LMTK2: variants seen among roughly 807,000 people sequenced by gnomAD.
LMTK2 encodes the protein lemur tail kinase 2.
A neutral mutation model predicts 127.5 loss-of-function variants in LMTK2; 37 were observed. That is an observed-to-expected ratio of 0.29 (90% CI 0.22 to 0.38). The LOEUF (loss-of-function observed/expected upper bound fraction) is 0.38, where lower values mean the gene tolerates loss of function less well. LMTK2 is among the 10% of genes least tolerant of loss of function. The pLI is 1.00. For synonymous variants in LMTK2, 819 were observed against 810.1 expected, an observed-to-expected ratio of 1.01 and a Z score of -0.19; for missense variants, 1,694 against 1,920.3, an observed-to-expected ratio of 0.88 and a Z score of 2.20.
chr7:98,182,951 C>G (rs189043736), intron 7 of LMTK2, among the ~76,000 whole-genome samples: 15 of 152,328 alleles, frequency 9.8e-5, no homozygotes, highest in African/African-American at 2.6e-4. Flanking sequence ...CCCCATTATA[C>G]TCTCCCTTTG....
intron 1 of LMTK2, among the ~76,000 whole-genome samples, chr7:98,125,770 A>G (rs1796434560): frequency 6.6e-6 from 1 of 152,242 alleles, no homozygotes; most frequent in Admixed American, 6.5e-5. Flanking sequence ...AACCTTGTCA[A>G]GGTCACTGTT....
intron 9 of LMTK2, among the ~76,000 whole-genome samples, chr7:98,190,187 T>C (rs1423264340): frequency 6.6e-6 from 1 of 152,256 alleles, no homozygotes; most frequent in African/African-American, 2.4e-5. Context: ...CCAAAACTTC[T>C]AGGGTGGTAT....
chr7:98,108,926 G>A (rs901985002), intron 1 of LMTK2, among the ~76,000 whole-genome samples: 5 of 144,230 alleles, frequency 3.5e-5, no homozygotes, highest in Non-Finnish European at 7.5e-5. Context: ...TCATCGGTGC[G>A]ATATCAGCTG....
intron 1 of LMTK2, among the ~76,000 whole-genome samples, chr7:98,128,368 C>T (rs1451945839): frequency 6.6e-6 from 1 of 152,058 alleles, no homozygotes; most frequent in African/African-American, 2.4e-5. Flanking sequence ...CAGGGATGCA[C>T]ACGGAAGAAA....
At chr7:98,187,777 G>A (rs1416844488) in intron 9 of LMTK2, among the ~76,000 whole-genome samples, 3 of 151,836 alleles carry the variant, frequency 2.0e-5, no homozygotes, top group Admixed American at 1.3e-4. Context: ...CACCATTTTT[G>A]TACTTTTAGT....
chr7:98,180,583 T>G (rs920828494), intron 7 of LMTK2, among the ~76,000 whole-genome samples: 1 of 152,230 alleles, frequency 6.6e-6, no homozygotes, highest in African/African-American at 2.4e-5. Flanking sequence ...GTTCTGTGTC[T>G]TGAAATATGC....
At chr7:98,141,564 C>T (rs1796700392) in intron 3 of LMTK2, 23 bp downstream of exon 3, 2 of 1,604,732 alleles carry the variant, frequency 1.2e-6, no homozygotes, top group Admixed American at 3.4e-5. Flanking sequence ...AGCCTAATGC[C>T]ACGTTTTCAT....
Position 98,171,623 on chromosome 7 carries a change from G to A in LMTK2, c.740G>A (p.Cys247Tyr). Residue 247 changes from cysteine (C) to tyrosine (Y), a missense_variant, in exon 7 of 14, where the codon TGC becomes TAC. Physicochemically the swap from Cys to Tyr is radical, Grantham distance 194. Transcript: ENST00000297293. This position sits in a 1 kb window ranked among gnomAD's most constrained non-coding sequence, Gnocchi z 5.1. ...SQTMLLQRMACEVAAGLAAMH... is the reference protein window; with the variant it reads ...SQTMLLQRMAYEVAAGLAAMH... ...ACCATGCTGCTGCAGAGGATGGCGT[G>A]CGAGGTCGCCGCGGGGCTGGCCGCC... The A allele has an allele frequency of 6.2e-7, 1 of 1,610,770 alleles. No homozygotes were observed. The highest frequency in any genetic ancestry group is 8.5e-7 in the Non-Finnish European group (1 of 1,178,902).
At position 98,137,115 on chromosome 7, in the gene LMTK2, G is replaced by A. The variant is rs538230938; in HGVS notation, c.104-200G>A. 3.9e-5 allele frequency among the ~76,000 whole-genome samples: 6 copies of A among 152,300 alleles called. No individual in the cohort carries two copies. The South Asian group carries it at 1.2e-3, about 32-fold the overall frequency. On this transcript the variant is annotated intron_variant, in intron 1 of 13. Coordinates refer to ENST00000297293, the MANE Select transcript of LMTK2 (RefSeq NM_014916.4). ...AGGCTGTATATGAACTCTCTGTATTGTCTCTGTAACTCCTCTGTAAATCTA... is the reference window on the plus strand; with the variant it reads ...AGGCTGTATATGAACTCTCTGTATTATCTCTGTAACTCCTCTGTAAATCTA...
chr7:98,205,975 A>T lies in LMTK2; in HGVS notation c.*483A>T, dbSNP rs1462739303. 6.3e-6 allele frequency: 1 copy of T among 158,786 alleles called. No homozygotes were observed. Among genetic ancestry groups the T allele is most frequent in the Non-Finnish European group, 1.4e-5 (1 of 71,794 alleles). 9.8% of individuals were successfully genotyped at this position (158,786 alleles called of 1,614,324 possible). A position where few individuals can be genotyped will look rare whatever the true frequency, so the allele number is the denominator to read the frequency against. Reference sequence around the variant, plus strand: ...ATCACGAACTGCTTTCTGTAATTGCACTGTGGATAAATGTTCCGAGAGTCT... The same window carrying T: ...ATCACGAACTGCTTTCTGTAATTGCTCTGTGGATAAATGTTCCGAGAGTCT... On this transcript the variant is annotated 3_prime_UTR_variant, in exon 14 of 14. Coordinates refer to ENST00000297293, the MANE Select transcript of LMTK2 (RefSeq NM_014916.4).
intron 2 of LMTK2, among the ~76,000 whole-genome samples, chr7:98,140,300 C>A (rs1279960561): frequency 2.6e-5 from 4 of 151,620 alleles, no homozygotes; most frequent in African/African-American, 9.7e-5. Context: ...TCCTGCGCCA[C>A]CATGCCTGAC....
At position 98,181,019 on chromosome 7, in the gene LMTK2, T is replaced by C. The variant is rs1365365401; in HGVS notation, c.792-4032T>C. On this transcript the variant is annotated intron_variant, in intron 7 of 13. Transcript: ENST00000297293. The stretch of plus-strand genomic sequence containing the variant: ...CTGGGGAGCCCTTCTGCGGAGCCCT[T>C]CTGCGCCACAGTGATATCAGTATCA... 2.6e-5 allele frequency among the ~76,000 whole-genome samples: 4 copies of C among 152,122 alleles called. No individual in the cohort carries two copies. In the East Asian group the frequency reaches 5.8e-4, roughly 22 times the overall value.
intron 7 of LMTK2, among the ~76,000 whole-genome samples, chr7:98,178,126 G>A (rs1225114896): frequency 6.6e-6 from 1 of 152,166 alleles, no homozygotes; most frequent in African/African-American, 2.4e-5. Flanking sequence ...AAGCCCTGGA[G>A]TGCTGTTGTC....
At chr7:98,191,412 C>T (rs940192762) in intron 10 of LMTK2, among the ~76,000 whole-genome samples, 5 of 152,046 alleles carry the variant, frequency 3.3e-5, no homozygotes, top group African/African-American at 7.2e-5. Flanking sequence ...ATTAGCTGGG[C>T]GCGGCAGCGG....
intron 11 of LMTK2, among the ~76,000 whole-genome samples, chr7:98,202,551 A>AT (rs1022477078): frequency 6.6e-6 from 1 of 152,212 alleles, no homozygotes; most frequent in Non-Finnish European, 1.5e-5. Context: ...AATCATGTTG[A>AT]TACTTTTACC....
chr7:98,137,272 T>G (rs765504842), intron 1 of LMTK2, 43 bp from the exon 2 acceptor site: 5 of 1,572,842 alleles, frequency 3.2e-6, no homozygotes, highest in Non-Finnish European at 4.3e-6. Flanking sequence ...AAAGTTGATT[T>G]TGGAATGTAC....
chr7:98,118,239 C>G (rs1562895485), intron 1 of LMTK2, among the ~76,000 whole-genome samples: 1 of 152,164 alleles, frequency 6.6e-6, no homozygotes, highest in Non-Finnish European at 1.5e-5. Context: ...ATGATATTGG[C>G]AGAATCTTAT....
chr7:98,191,039 T>C (rs1797515264), intron 10 of LMTK2, among the ~76,000 whole-genome samples, 162 bp downstream of exon 10: 1 of 152,206 alleles, frequency 6.6e-6, no homozygotes, highest in Admixed American at 6.5e-5. Context: ...GTGATGAAGG[T>C]GTAGAAATGT....
intron 6 of LMTK2, among the ~76,000 whole-genome samples, chr7:98,170,213 T>G (rs17169422): frequency 0.053 from 8,078 of 152,222 alleles, 632 homozygotes; most frequent in East Asian, 0.36. Context: ...CATATTGTAT[T>G]TGCAGTAACA....
Sources: allele counts gnomAD v4.1 joint callset (sites outside exome capture counted in the v4.1 genomes callset), GRCh38; gene constraint gnomAD v4.1.1; non-coding constraint Gnocchi (gnomAD v3.1); transcripts MANE v1.5; gene names NCBI Gene and HGNC (gene_info 2026-07-23, HGNC 2026-07-21).